Variants in TCF12 observed in about 807,000 individuals in gnomAD.
The protein encoded by TCF12 is DNA-binding protein HTF4.
A neutral mutation model predicts 86.0 loss-of-function variants in TCF12; 45 were observed. The ratio of observed to expected loss-of-function variants is 0.52; its 90% confidence interval spans 0.41 to 0.67. The LOEUF (loss-of-function observed/expected upper bound fraction) is 0.67, where lower values mean the gene tolerates loss of function less well. TCF12 is among the 30% of genes least tolerant of loss of function. The pLI, the probability that TCF12 is intolerant of heterozygous loss-of-function variation, is 0.00. For synonymous variants in TCF12, 330 were observed against 299.6 expected, an observed-to-expected ratio of 1.10 and a Z score of -1.05; for missense variants, 881 against 859.9, an observed-to-expected ratio of 1.02 and a Z score of -0.31.
chr15:56,943,773 T>C (rs1427902045), intron 3 of TCF12, among the ~76,000 whole-genome samples: 3 of 152,206 alleles, frequency 2.0e-5, no homozygotes, highest in Admixed American at 6.5e-5. Context: ...ATTATTACAA[T>C]GTATTTGATG....
At chr15:56,989,306 C>T (rs1410742275) in intron 3 of TCF12, among the ~76,000 whole-genome samples, 1 of 152,118 alleles carries the variant, frequency 6.6e-6, no homozygotes, top group East Asian at 1.9e-4. Context: ...TTCCTCTTGA[C>T]CTGCAAAGCC....
intron 16 of TCF12, among the ~76,000 whole-genome samples, chr15:57,257,748 A>C (rs375745737): frequency 4.0e-5 from 6 of 151,518 alleles, no homozygotes; most frequent in African/African-American, 1.5e-4. Flanking sequence ...CGGACAAGTC[A>C]GTGATCAAGG....
At chr15:57,063,639 C>A in intron 3 of TCF12, 111 bp from the exon 4 acceptor site, 1 of 719,666 alleles carries the variant, frequency 1.4e-6, no homozygotes, top group Non-Finnish European at 2.2e-6. Context: ...ATACTTAGCT[C>A]TTCCACGAAA....
At chr15:57,001,166 G>A (rs1208772089) in intron 3 of TCF12, among the ~76,000 whole-genome samples, 2 of 151,842 alleles carry the variant, frequency 1.3e-5, no homozygotes, top group Admixed American at 1.3e-4. Context: ...ACAGGCATGT[G>A]CCACCATGCC....
chr15:57,155,786 A>G (rs1238251002), intron 5 of TCF12, among the ~76,000 whole-genome samples: 2 of 152,212 alleles, frequency 1.3e-5, no homozygotes, highest in Non-Finnish European at 2.9e-5. Flanking sequence ...TCATTCATAA[A>G]TAAATGAGAA....
intron 6 of TCF12, among the ~76,000 whole-genome samples, chr15:57,171,783 AAC>A (rs1479991535): frequency 2.6e-5 from 4 of 152,232 alleles, no homozygotes; most frequent in African/African-American, 9.6e-5. Flanking sequence ...TTATTGATGA[AAC>A]ACAGAGCATA....
At chr15:57,183,053 C>T (rs1431374023) in intron 6 of TCF12, among the ~76,000 whole-genome samples, 2 of 152,096 alleles carry the variant, frequency 1.3e-5, no homozygotes, top group African/African-American at 2.4e-5. Flanking sequence ...CTATATAATA[C>T]TTAAGATTGC....
intron 18 of TCF12, among the ~76,000 whole-genome samples, chr15:57,266,080 G>GTTT (rs1159156705): frequency 7.0e-6 from 1 of 142,624 alleles, no homozygotes; most frequent in Non-Finnish European, 1.5e-5. Flanking sequence ...TTTTGTTTTT[G>GTTT]TTTTTATTAT....
intron 4 of TCF12, among the ~76,000 whole-genome samples, chr15:57,089,243 A>G (rs1368297100): frequency 6.6e-6 from 1 of 152,226 alleles, no homozygotes; most frequent in Non-Finnish European, 1.5e-5. Flanking sequence ...TGTTGGGGAA[A>G]ATATCTAATT....
chr15:57,073,717 C>A (rs2069616195), intron 4 of TCF12, among the ~76,000 whole-genome samples: 1 of 152,084 alleles, frequency 6.6e-6, no homozygotes, highest in South Asian at 2.1e-4. Flanking sequence ...TTGTGCAGGA[C>A]TTGAAGGACA....
At chr15:57,158,988 T>C (rs1490237288) in intron 5 of TCF12, among the ~76,000 whole-genome samples, 4 of 152,246 alleles carry the variant, frequency 2.6e-5, no homozygotes, top group Non-Finnish European at 1.5e-5. Context: ...CCCTTTCTCT[T>C]TTCTTTAAAA....
At chr15:57,137,180 C>T (rs915960226) in intron 5 of TCF12, among the ~76,000 whole-genome samples, 2 of 151,764 alleles carry the variant, frequency 1.3e-5, no homozygotes, top group Non-Finnish European at 2.9e-5. Context: ...GCGGTTTCAC[C>T]GCATTAGCCA....
intron 13 of TCF12, among the ~76,000 whole-genome samples, chr15:57,244,132 G>A (rs2059750619): frequency 6.6e-6 from 1 of 151,892 alleles, no homozygotes; most frequent in South Asian, 2.1e-4. Flanking sequence ...TCCCACCTTG[G>A]CCCCCCAAAA....
chr15:57,029,907 G>A lies in TCF12; in HGVS notation c.149-33843G>A, dbSNP rs556014783. Among the ~76,000 whole-genome samples the A allele has an allele frequency of 1.6e-4, 25 of 152,302 alleles. No individual in the cohort carries two copies. In the South Asian group the frequency reaches 5.0e-3, roughly 30 times the overall value. ...AGATTCAACTATGTTGTAGGTATCAGTAGTTTCTTTTCTTTTATTGCTGAG... is the reference window on the plus strand; with the variant it reads ...AGATTCAACTATGTTGTAGGTATCAATAGTTTCTTTTCTTTTATTGCTGAG... On this transcript the variant is annotated intron_variant, in intron 3 of 20. Coordinates refer to ENST00000333725, the MANE Select transcript of TCF12 (RefSeq NM_207037.2).
chr15:56,984,302 G>C (rs1170779353), intron 3 of TCF12, among the ~76,000 whole-genome samples: 1 of 147,652 alleles, frequency 6.8e-6, no homozygotes, highest in African/African-American at 2.5e-5. Context: ...GTGAAGGGTG[G>C]AGAGGGAGAG....
At chr15:57,061,651 C>T (rs796416317) in intron 3 of TCF12, among the ~76,000 whole-genome samples, 10 of 152,100 alleles carry the variant, frequency 6.6e-5, no homozygotes, top group African/African-American at 2.2e-4. Context: ...ATTTATTAGT[C>T]ATTTGATATA....
At chr15:57,178,550 C>G (rs1207720523) in intron 6 of TCF12, among the ~76,000 whole-genome samples, 1 of 152,130 alleles carries the variant, frequency 6.6e-6, no homozygotes, top group African/African-American at 2.4e-5. Flanking sequence ...ACACCATTTC[C>G]ACGAATACCA....
Position 57,063,828 on chromosome 15 carries a change from G to T in TCF12, c.222+5G>T. On this transcript the variant is annotated splice_donor_5th_base_variant and intron_variant, in intron 4 of 20. Transcript: ENST00000333725. ...CCTTCCTATGATTCATCTAGAGTAA[G>T]TTTGCTGATCAACCCTTGATTAAAG... 1 of 1,580,732 alleles carries T rather than the reference G, an allele frequency of 6.3e-7. No individual in the cohort carries two copies. The highest frequency in any genetic ancestry group is 8.7e-7 in the Non-Finnish European group (1 of 1,155,454).
intron 19 of TCF12, among the ~76,000 whole-genome samples, chr15:57,281,964 C>G (rs1483097975): frequency 6.6e-6 from 1 of 152,040 alleles, no homozygotes; most frequent in African/African-American, 2.4e-5. Context: ...GTCCCTGGTG[C>G]CAAAAAGGTT....
Sources: gnomAD v4.1 joint callset for allele counts (sites outside exome capture counted in the v4.1 genomes callset) on GRCh38, gnomAD v4.1.1 for gene constraint, MANE v1.5 for transcripts, NCBI Gene and HGNC (gene_info 2026-07-23, HGNC 2026-07-21) for gene names.